Variants in CTDSPL2 observed in about 807,000 individuals in gnomAD.
The protein encoded by CTDSPL2 is CTD small phosphatase like 2, also known as CTD small phosphatase-like protein 2.
CTDSPL2 carries 5 observed loss-of-function variants against 60.0 expected under a neutral mutation model. The observed-to-expected ratio is 0.08, with a 90% CI of 0.04 to 0.18. CTDSPL2 has a LOEUF of 0.18. Ranked by LOEUF, CTDSPL2 falls within the 10% of genes least tolerant of loss-of-function variation. The probability of loss-of-function intolerance (pLI) is 1.00; values close to 1 mark genes in which losing one functional copy is unlikely to be tolerated. For missense variants in CTDSPL2, 370 were observed against 548.8 expected, an observed-to-expected ratio of 0.67 and a Z score of 3.26; for synonymous variants, 186 against 189.3, an observed-to-expected ratio of 0.98 and a Z score of 0.14.
At chr15:44,476,738 A>T (rs1464607036) in intron 2 of CTDSPL2, among the ~76,000 whole-genome samples, 1 of 152,210 alleles carries the variant, frequency 6.6e-6, no homozygotes, top group Non-Finnish European at 1.5e-5. Context: ...GGTTTGTGTA[A>T]ATACGCTGTA....
intron 3 of CTDSPL2, 112 bp downstream of exon 3, chr15:44,484,474 C>T (rs542623531): frequency 3.0e-6 from 3 of 992,860 alleles, no homozygotes; most frequent in Non-Finnish European, 3.0e-6. Flanking sequence ...GTGGCTCATG[C>T]CTGTAATCCT....
At chr15:44,487,926 T>C (rs1313434004) in intron 4 of CTDSPL2, among the ~76,000 whole-genome samples, 1 of 151,756 alleles carries the variant, frequency 6.6e-6, no homozygotes, top group Non-Finnish European at 1.5e-5. Flanking sequence ...CCAGCCTGAC[T>C]AACATGGTGA....
intron 1 of CTDSPL2, among the ~76,000 whole-genome samples, chr15:44,445,957 G>A (rs1231661948): frequency 8.9e-6 from 1 of 112,230 alleles, no homozygotes; most frequent in African/African-American, 3.5e-5. Flanking sequence ...TTTTTTTCTC[G>A]CTTTGTCACC....
intron 1 of CTDSPL2, among the ~76,000 whole-genome samples, chr15:44,428,564 G>A (rs2079794246): frequency 6.6e-6 from 1 of 152,178 alleles, no homozygotes; most frequent in African/African-American, 2.4e-5. Context: ...GTACCTTAGG[G>A]AAACCTAAAG....
intron 1 of CTDSPL2, among the ~76,000 whole-genome samples, chr15:44,438,868 A>C (rs2080026990): frequency 6.6e-6 from 1 of 152,134 alleles, no homozygotes; most frequent in Non-Finnish European, 1.5e-5. Flanking sequence ...GTAGAAAGGA[A>C]ATTTTATTGC....
intron 8 of CTDSPL2, among the ~76,000 whole-genome samples, chr15:44,500,198 A>G (rs2081363543): frequency 6.6e-6 from 1 of 152,186 alleles, no homozygotes; most frequent in African/African-American, 2.4e-5. Flanking sequence ...CTTGTTGATC[A>G]TTTTATTTCC....
intron 1 of CTDSPL2, among the ~76,000 whole-genome samples, chr15:44,439,989 A>T (rs2080052072): frequency 6.6e-6 from 1 of 152,108 alleles, no homozygotes; most frequent in Non-Finnish European, 1.5e-5. Flanking sequence ...GATGATTGGT[A>T]GGATTCTCCA....
intron 10 of CTDSPL2, chr15:44,518,825 G>T (rs963584777): frequency 6.5e-6 from 1 of 153,600 alleles, no homozygotes; most frequent in South Asian, 2.1e-4. Context: ...GCAGGACCTC[G>T]CTGACAACCA....
At chr15:44,436,128 G>C (rs1287256870) in intron 1 of CTDSPL2, among the ~76,000 whole-genome samples, 1 of 152,152 alleles carries the variant, frequency 6.6e-6, no homozygotes, top group African/African-American at 2.4e-5. Context: ...GTGGAAACAT[G>C]CTGCTACTTT....
At chr15:44,438,228 C>T (rs1202635196) in intron 1 of CTDSPL2, among the ~76,000 whole-genome samples, 1 of 149,668 alleles carries the variant, frequency 6.7e-6, no homozygotes, top group Non-Finnish European at 1.5e-5. Context: ...CGCGCCACTG[C>T]GCTCCAGCCT....
chr15:44,524,315 T>C lies in CTDSPL2; in HGVS notation c.*141T>C. On this transcript the variant is annotated 3_prime_UTR_variant, in exon 13 of 13. Coordinates refer to ENST00000260327, the MANE Select transcript of CTDSPL2 (RefSeq NM_016396.3). ...TCTTATCTTTGGTGCCCAATAATAA[T>C]TAAGGGTTACAGAAAGAGACTTTAT... is the stretch of plus-strand genomic sequence containing the variant. 1.5e-6 allele frequency: 1 copy of C among 664,288 alleles called. No individual in the cohort carries two copies. Among genetic ancestry groups the C allele is most frequent in the Non-Finnish European group, 2.7e-6 (1 of 373,874 alleles). The allele number at this position is 664,288 out of a possible 1,614,324, so 41.1% of individuals were successfully genotyped here.
chr15:44,452,884 T>G (rs1353710776), intron 1 of CTDSPL2, among the ~76,000 whole-genome samples: 1 of 152,170 alleles, frequency 6.6e-6, no homozygotes, highest in East Asian at 1.9e-4. Context: ...TGGCTTGTTT[T>G]CTTATTGTGT....
intron 8 of CTDSPL2, among the ~76,000 whole-genome samples, chr15:44,505,772 A>G (rs986033793): frequency 1.1e-4 from 17 of 151,568 alleles, no homozygotes; most frequent in African/African-American, 3.1e-4. Flanking sequence ...AAAACATACT[A>G]TGTGGAAAGT....
At chr15:44,487,638 G>A (rs1350957626) in intron 4 of CTDSPL2, among the ~76,000 whole-genome samples, 2 of 152,176 alleles carry the variant, frequency 1.3e-5, no homozygotes, top group Non-Finnish European at 2.9e-5. Context: ...GTGTATTTGA[G>A]AGCTGTTTGT....
rs1032219420 is a variant in CTDSPL2, at chr15:44,524,202, G to T, written c.*28G>T. The T allele has an allele frequency of 1.3e-6, 2 of 1,587,226 alleles. No individual in the cohort carries two copies. The highest frequency in any genetic ancestry group is 1.3e-5 in the African/African-American group (1 of 74,398). Reference sequence around the variant, plus strand: ...ACAAAGACTTGTCAAATCACTGAAGGGGGAGAGAATGCAGGACCCTTTTGG... The same window carrying T: ...ACAAAGACTTGTCAAATCACTGAAGTGGGAGAGAATGCAGGACCCTTTTGG... On this transcript the variant is annotated 3_prime_UTR_variant, in exon 13 of 13. Transcript: ENST00000260327.
intron 12 of CTDSPL2, among the ~76,000 whole-genome samples, chr15:44,522,036 ATTTTCAAACTTTTTTG>A (rs2140874813): frequency 6.7e-6 from 1 of 149,596 alleles, no homozygotes; most frequent in Non-Finnish European, 1.5e-5. Flanking sequence ...GATTATGTGC[ATTTTCAAACTTTTTTG>A]AGGCAGGGTC....
intron 10 of CTDSPL2, among the ~76,000 whole-genome samples, chr15:44,515,986 C>CTTT (rs562541301): frequency 4.5e-5 from 6 of 132,964 alleles, no homozygotes; most frequent in African/African-American, 1.1e-4. Flanking sequence ...CTTTCTTTTT[C>CTTT]TTTTTTTTTT....
rs11414036 is a variant in CTDSPL2 at position 44,479,407 on chromosome 15, C to CTTT, written c.187-4797_187-4795dup. 5.3e-3 allele frequency among the ~76,000 whole-genome samples: 520 copies of CTTT among 97,882 alleles called. 24 individuals carry two copies. Among genetic ancestry groups the CTTT allele is most frequent in the African/African-American group, 0.015 (343 of 23,372 alleles). 64.2% of individuals were successfully genotyped at this position (97,882 alleles called of 152,430 possible). On this transcript the variant is annotated intron_variant, in intron 2 of 12. Coordinates refer to ENST00000260327, the MANE Select transcript of CTDSPL2 (RefSeq NM_016396.3). Reference sequence around the variant, plus strand: ...TGCTGTATGTCTCATATTTTCTTTCCTTTTTTTTTTTTTTTTTTTTTTGAG... The same window carrying CTTT: ...TGCTGTATGTCTCATATTTTCTTTCCTTTTTTTTTTTTTTTTTTTTTTTTTGAG...
chr15:44,504,861 T>G (rs2081434386), intron 8 of CTDSPL2, among the ~76,000 whole-genome samples: 1 of 152,210 alleles, frequency 6.6e-6, no homozygotes, highest in Non-Finnish European at 1.5e-5. Flanking sequence ...AAAACTAATA[T>G]TTTAGCTTGT....
Sources: allele counts gnomAD v4.1 joint callset (sites outside exome capture counted in the v4.1 genomes callset), GRCh38; gene constraint gnomAD v4.1.1; transcripts MANE v1.5; gene names NCBI Gene and HGNC (gene_info 2026-07-23, HGNC 2026-07-21).